GPR22: variants seen among roughly 807,000 people sequenced by gnomAD.
GPR22 encodes the protein G-protein coupled receptor 22.
In GPR22, 13 loss-of-function variants were observed where a neutral mutation model predicts 31.0. The ratio of observed to expected loss-of-function variants is 0.42; its 90% CI spans 0.27 to 0.67. GPR22 has a LOEUF of 0.67. GPR22 is among the 30% of genes least tolerant of loss of function. GPR22 has a pLI of 0.25. For synonymous variants in GPR22, 191 were observed against 173.4 expected (o/e 1.10, Z -0.80); for missense variants, 368 against 509.6 (o/e 0.72, Z 2.67).
rs73417465 is a variant in GPR22 at position 107,475,407 on chromosome 7, A to C, written c.*45A>C. 5,781 of 909,064 alleles carry C rather than the reference A, an allele frequency of 6.4e-3. 229 individuals are homozygous for C. In the African/African-American group the frequency reaches 0.081, roughly 13 times the overall value. The allele number at this position is 909,064 out of a possible 1,614,324, so 56.3% of individuals were successfully genotyped here. A position where few individuals can be genotyped will look rare whatever the true frequency, so the allele number is the denominator to read the frequency against. On this transcript the variant is annotated 3_prime_UTR_variant, in exon 3 of 3. Transcript: ENST00000304402. ...CAAATCCACATTCAAATGAGTTTTA[A>C]ATTTAAATTGTAAAAACTGATATTA...
chr7:107,474,960 A>G lies in GPR22; in HGVS notation c.900A>G (p.Arg300=). ...VIIALRRAVK[R]HRERRERQKR... is the part of the protein sequence containing the mutation. ...TTGCCCTCCGGCGAGCTGTGAAACG[A>G]CACCGTGAACGACGAGAAAGACAAA... The change falls in exon 3 of 3, where the codon CGA becomes CGG. Residue 300 remains arginine (R), a synonymous_variant. Transcript: ENST00000304402. The surrounding 1 kb of genome is among the most constrained non-coding windows in gnomAD (Gnocchi z 5.7). The G allele has an allele frequency of 6.2e-7, 1 of 1,612,302 alleles. No homozygotes were observed. Among genetic ancestry groups the G allele is most frequent in the Non-Finnish European group, 8.5e-7 (1 of 1,179,204 alleles).
At position 107,475,586 on chromosome 7, in the gene GPR22, G is replaced by A. The variant is rs1335025025; in HGVS notation, c.*224G>A. On this transcript the variant is annotated 3_prime_UTR_variant, in exon 3 of 3. Transcript: ENST00000304402. ...TAAAGTACTATCATGTGTATATTTT[G>A]TCAATATTATGTCCAACAGAAAATA... The A allele has an allele frequency of 5.2e-6, 2 of 384,836 alleles. No individual in the cohort carries two copies. The highest frequency in any genetic ancestry group is 4.2e-5 in the Admixed American group (1 of 23,944). 23.8% of individuals were successfully genotyped at this position (384,836 alleles called of 1,614,324 possible).
In GPR22 at chr7:107,475,209, A is replaced by G. The variant is rs746392823; in HGVS notation, c.1149A>G (p.Lys383=). 1.2e-6 allele frequency: 2 copies of G among 1,612,098 alleles called. No homozygotes were observed. The highest frequency in any genetic ancestry group is 2.2e-5 in the South Asian group (2 of 90,982). The change falls in exon 3 of 3, where the codon AAA becomes AAG. Residue 383 remains lysine, a synonymous_variant. Coordinates refer to ENST00000304402, the MANE Select transcript of GPR22 (RefSeq NM_005295.3). ...KFQKVLKSKM[K]KRVVSIVEAD... is the part of the protein sequence containing the mutation. ...AAAAGGTCTTGAAAAGTAAAATGAAAAAGCGAGTTGTTTCTATAGTAGAAG... is the reference window on the plus strand; with the variant it reads ...AAAAGGTCTTGAAAAGTAAAATGAAGAAGCGAGTTGTTTCTATAGTAGAAG...
intron 2 of GPR22, among the ~76,000 whole-genome samples, chr7:107,473,405 T>C (rs76119280): frequency 0.042 from 6,426 of 152,030 alleles, 209 homozygotes; most frequent in Non-Finnish European, 0.065. Context: ...TCAGTGAGCA[T>C]TGTAACTGTG....
In GPR22 at chr7:107,470,355, C is replaced by G. The variant is rs538853338; in HGVS notation, c.-1048C>G. 6.6e-6 allele frequency: 1 copy of G among 152,240 alleles called. No homozygotes were observed. Among genetic ancestry groups the G allele is most frequent in the African/African-American group, 2.4e-5 (1 of 41,540 alleles). The allele number at this position is 152,240 out of a possible 1,614,324, so 9.4% of individuals were successfully genotyped here. A position where few individuals can be genotyped will look rare whatever the true frequency, so the allele number is the denominator to read the frequency against. Reference sequence around the variant, plus strand: ...GAAGAGATGTTTATGACCCTCTTCCCCCAGTCCTCTACTAACAAGTGAACA... The same window carrying G: ...GAAGAGATGTTTATGACCCTCTTCCGCCAGTCCTCTACTAACAAGTGAACA... On this transcript the variant is annotated 5_prime_UTR_variant, in exon 1 of 3. Transcript: ENST00000304402.
At position 107,474,433 on chromosome 7, in the gene GPR22, G is replaced by A. The variant is rs767086660; in HGVS notation, c.373G>A (p.Ala125Thr). 1 of 1,613,190 alleles carries A rather than the reference G, an allele frequency of 6.2e-7. No individual in the cohort carries two copies. Among genetic ancestry groups the A allele is most frequent in the African/African-American group, 1.3e-5 (1 of 74,968 alleles). Residue 125 changes from alanine (A) to threonine (T), a missense_variant, in exon 3 of 3, where the codon GCA becomes ACA. Physicochemically the swap from Ala to Thr is moderately conservative, Grantham distance 58. Coordinates refer to ENST00000304402, the MANE Select transcript of GPR22 (RefSeq NM_005295.3). This position sits in a 1 kb window ranked among gnomAD's most constrained non-coding sequence, Gnocchi z 5.7. Reference protein sequence around the residue: ...CCFHEACVSFASVSTAINVFA... With the variant: ...CCFHEACVSFTSVSTAINVFA... ...TTTCCATGAGGCTTGTGTATCTTTTGCAAGTGTCTCAACAGCAATCAACGT... is the reference window on the plus strand; with the variant it reads ...TTTCCATGAGGCTTGTGTATCTTTTACAAGTGTCTCAACAGCAATCAACGT...
rs746268020 is a variant in GPR22 at position 107,474,295 on chromosome 7, A to T, written c.235A>T (p.Ile79Phe). The T allele has an allele frequency of 2.5e-6, 4 of 1,611,122 alleles. No individual in the cohort carries two copies. The Admixed American group carries it at 6.7e-5, about 27-fold the overall frequency. The stretch of plus-strand genomic sequence containing the variant: ...CAACTTAATCAACTCTGTCAGTAAC[A>T]TTATTACAATGAATCTTCATGTACT... ...KSNLINSVSNIITMNLHVLDV... is the reference protein window; with the variant it reads ...KSNLINSVSNFITMNLHVLDV... Residue 79 changes from isoleucine to phenylalanine, a missense_variant, in exon 3 of 3, where the codon ATT (isoleucine) becomes TTT (phenylalanine). Transcript: ENST00000304402. The surrounding 1 kb of genome is among the most constrained non-coding windows in gnomAD (Gnocchi z 5.7).
Position 107,475,034 on chromosome 7 carries a change from G to T in GPR22, c.974G>T (p.Cys325Phe). 1 of 1,612,852 alleles carries T rather than the reference G, an allele frequency of 6.2e-7. No individual in the cohort carries two copies. Among genetic ancestry groups the T allele is most frequent in the Non-Finnish European group, 8.5e-7 (1 of 1,179,218 alleles). The change falls in exon 3 of 3, where the codon TGC becomes TTC. Residue 325 changes from cysteine (C) to phenylalanine (F), a missense_variant. By Grantham distance (205) the Cys-to-Phe change is radical. Transcript: ENST00000304402. ...SLLIISTFLLCWTPISVLNTT... is the reference protein window; with the variant it reads ...SLLIISTFLLFWTPISVLNTT... ...TTGATTATTTCTACATTTCTTCTCT[G>T]CTGGACACCAATTTCTGTTTTAAAT...
chr7:107,474,982 C>CA lies in GPR22; in HGVS notation c.926dup (p.Arg310GlufsTer34). The stretch of plus-strand genomic sequence containing the variant: ...ACGACACCGTGAACGACGAGAAAGA[C>CA]AAAAGAGAGTCTTCAGGATGTCTTT... On this transcript the variant is annotated frameshift_variant, in exon 3 of 3. Coordinates refer to ENST00000304402, the MANE Select transcript of GPR22 (RefSeq NM_005295.3). LOFTEE classifies it high-confidence loss of function. This position sits in a 1 kb window ranked among gnomAD's most constrained non-coding sequence, Gnocchi z 5.7. 6.2e-7 allele frequency: 1 copy of CA among 1,612,432 alleles called. No homozygotes were observed. Among genetic ancestry groups the CA allele is most frequent in the Non-Finnish European group, 8.5e-7 (1 of 1,179,212 alleles).
downstream of GPR22, among the ~76,000 whole-genome samples, chr7:107,476,495 C>T (rs1206517214): frequency 6.6e-6 from 1 of 151,502 alleles, no homozygotes; most frequent in East Asian, 1.9e-4. Flanking sequence ...ACTTTTCTAC[C>T]GTACCATCAC....
In GPR22 at chr7:107,475,133, G is replaced by T; in HGVS notation, c.1073G>T (p.Gly358Val). 6.2e-7 allele frequency: 1 copy of T among 1,610,124 alleles called. No individual in the cohort carries two copies. Among genetic ancestry groups the T allele is most frequent in the South Asian group, 1.1e-5 (1 of 90,828 alleles). The change falls in exon 3 of 3, where the codon GGA (glycine) becomes GTA (valine). Residue 358 changes from glycine to valine, a missense_variant. Coordinates refer to ENST00000304402, the MANE Select transcript of GPR22 (RefSeq NM_005295.3). ...TTGTGTTTTTTAGTCATGGCTTATG[G>T]AACAACTATATTTCACCCTCTATTA... ...LRLCFLVMAYGTTIFHPLLYA... is the reference protein window; with the variant it reads ...LRLCFLVMAYVTTIFHPLLYA...
chr7:107,474,433 G>C lies in GPR22; in HGVS notation c.373G>C (p.Ala125Pro), dbSNP rs767086660. Residue 125 changes from alanine to proline, a missense_variant, in exon 3 of 3, where the codon GCA (alanine) becomes CCA (proline). Coordinates refer to ENST00000304402, the MANE Select transcript of GPR22 (RefSeq NM_005295.3). This position sits in a 1 kb window ranked among gnomAD's most constrained non-coding sequence, Gnocchi z 5.7. ...TTTCCATGAGGCTTGTGTATCTTTT[G>C]CAAGTGTCTCAACAGCAATCAACGT... is the stretch of plus-strand genomic sequence containing the variant. ...CCFHEACVSF[A>P]SVSTAINVFA... is the part of the protein sequence containing the mutation. The C allele has an allele frequency of 3.7e-6, 6 of 1,613,190 alleles. No individual in the cohort carries two copies. The highest frequency in any genetic ancestry group is 1.3e-5 in the African/African-American group (1 of 74,968).
In GPR22 at chr7:107,475,428, T is replaced by C. The variant is rs953642745; in HGVS notation, c.*66T>C. 1.4e-6 allele frequency: 1 copy of C among 726,468 alleles called. No homozygotes were observed. The highest frequency in any genetic ancestry group is 1.8e-5 in the African/African-American group (1 of 56,026). The allele number at this position is 726,468 out of a possible 1,614,324, so 45.0% of individuals were successfully genotyped here. A position where few individuals can be genotyped will look rare whatever the true frequency, so the allele number is the denominator to read the frequency against. ...TTTAAATTTAAATTGTAAAAACTGA[T>C]ATTACTGCCAAATATAAGAAAAATA... On this transcript the variant is annotated 3_prime_UTR_variant, in exon 3 of 3. Coordinates refer to ENST00000304402, the MANE Select transcript of GPR22 (RefSeq NM_005295.3).
chr7:107,474,388 A>G lies in GPR22; in HGVS notation c.328A>G (p.Asn110Asp). 1.2e-6 allele frequency: 2 copies of G among 1,612,752 alleles called. No individual in the cohort carries two copies. The highest frequency in any genetic ancestry group is 1.7e-6 in the Non-Finnish European group (2 of 1,178,910). The change falls in exon 3 of 3, where the codon AAC becomes GAC. Residue 110 changes from asparagine to aspartate, a missense_variant. Asn to Asp is a conservative substitution (Grantham distance 23, BLOSUM62 1). Coordinates refer to ENST00000304402, the MANE Select transcript of GPR22 (RefSeq NM_005295.3). The surrounding 1 kb of genome is among the most constrained non-coding windows in gnomAD (Gnocchi z 5.7). The stretch of plus-strand genomic sequence containing the variant: ...TATCCTTCTGCTTTCACTGGAGAGT[A>G]ACACTGCTCTCATTTGCTGTTTCCA... ...IVILLLSLES[N>D]TALICCFHEA...
chr7:107,471,230 T>C (rs1796614682), intron 1 of GPR22, 142 bp from the exon 2 acceptor site: 1 of 152,156 alleles, frequency 6.6e-6, no homozygotes, highest in South Asian at 2.1e-4. Context: ...ATTTTATGCA[T>C]ATAGCTGTGG....
chr7:107,472,493 C>A (rs887225966), intron 2 of GPR22, 191 bp downstream of exon 2: 12 of 151,924 alleles, frequency 7.9e-5, no homozygotes, highest in African/African-American at 2.9e-4. Context: ...TCTTAATCAT[C>A]ATTTAACTTG....
rs201501895 is a variant in GPR22, at chr7:107,475,355, C to A, written c.1295C>A (p.Thr432Lys). The A allele has an allele frequency of 8.7e-5, 127 of 1,464,430 alleles. No individual in the cohort carries two copies. The African/African-American group carries it at 1.6e-3, about 19-fold the overall frequency. 90.7% of individuals were successfully genotyped at this position (1,464,430 alleles called of 1,614,324 possible). Residue 432 changes from threonine to lysine, a missense_variant, in exon 3 of 3, where the codon ACA becomes AAA. By Grantham distance (78) the Thr-to-Lys change is moderately conservative (BLOSUM62 -1). Transcript: ENST00000304402. ...REKCLVPQVV[T>K]D ...AAATGTTTAGTGCCTCAGGTTGTCA[C>A]AGACTAGAGAAAAGTCTCAGTTTCA...
chr7:107,473,943 C>A, intron 2 of GPR22, 92 bp from the exon 3 acceptor site: 1 of 440,554 alleles, frequency 2.3e-6, no homozygotes, highest in Non-Finnish European at 3.8e-6. Context: ...AAACTAAGTA[C>A]ACAATTGAAA....
At position 107,475,165 on chromosome 7, in the gene GPR22, T is replaced by C; in HGVS notation, c.1105T>C (p.Phe369Leu). ...TATATTTCACCCTCTATTATATGCA[T>C]TCACTAGACAAAAATTTCAAAAGGT... is the stretch of plus-strand genomic sequence containing the variant. ...TTIFHPLLYAFTRQKFQKVLK... is the reference protein window; with the variant it reads ...TTIFHPLLYALTRQKFQKVLK... Residue 369 changes from phenylalanine (F) to leucine (L), a missense_variant, in exon 3 of 3, where the codon TTC becomes CTC. Coordinates refer to ENST00000304402, the MANE Select transcript of GPR22 (RefSeq NM_005295.3). 6.2e-7 allele frequency: 1 copy of C among 1,610,450 alleles called. No individual in the cohort carries two copies. The highest frequency in any genetic ancestry group is 8.5e-7 in the Non-Finnish European group (1 of 1,177,872).
Sources: gnomAD v4.1 joint callset for allele counts (sites outside exome capture counted in the v4.1 genomes callset) on GRCh38, gnomAD v4.1.1 for gene constraint, Gnocchi (gnomAD v3.1) non-coding constraint, MANE v1.5 for transcripts, NCBI Gene and HGNC (gene_info 2026-07-23, HGNC 2026-07-21) for gene names.